DCAF10: variants seen among roughly 807,000 people sequenced by gnomAD.
DCAF10 encodes the protein DDB1 and CUL4 associated factor 10.
Under a neutral mutation model 51.9 loss-of-function variants are expected in DCAF10, and 19 were observed. The ratio of observed to expected loss-of-function variants is 0.37; its 90% CI spans 0.26 to 0.54. The LOEUF (loss-of-function observed/expected upper bound fraction) is 0.54. Among genes scored for constraint, DCAF10 ranks in the 20% least tolerant of loss-of-function variants. The pLI is 0.87. For synonymous variants in DCAF10, 291 were observed against 297.1 expected, an observed-to-expected ratio of 0.98 and a Z score of 0.21; for missense variants, 510 against 730.6, an observed-to-expected ratio of 0.70 and a Z score of 3.48.
intron 2 of DCAF10, among the ~76,000 whole-genome samples, chr9:37,825,036 T>C (rs530415674): frequency 1.3e-5 from 2 of 152,238 alleles, no homozygotes; most frequent in African/African-American, 4.8e-5. Flanking sequence ...AATTAGGCAG[T>C]AGAAGATTTT....
At chr9:37,860,625 C>G (rs920545399) in intron 6 of DCAF10, among the ~76,000 whole-genome samples, 1 of 151,846 alleles carries the variant, frequency 6.6e-6, no homozygotes, top group South Asian at 2.1e-4. Context: ...TTTTAAAAAC[C>G]AGGGGAAACT....
At chr9:37,849,103 C>G (rs1005226220) in intron 3 of DCAF10, among the ~76,000 whole-genome samples, 1 of 151,336 alleles carries the variant, frequency 6.6e-6, no homozygotes, top group Non-Finnish European at 1.5e-5. Flanking sequence ...AAAGTATATA[C>G]TAAAAAATTA....
At chr9:37,838,826 G>T (rs928610584) in intron 2 of DCAF10, among the ~76,000 whole-genome samples, 1 of 151,644 alleles carries the variant, frequency 6.6e-6, no homozygotes, top group Non-Finnish European at 1.5e-5. Context: ...AGGAGGTAGA[G>T]GTTGCAGTGA....
At chr9:37,824,392 C>T (rs995023196) in intron 2 of DCAF10, among the ~76,000 whole-genome samples, 14 of 151,904 alleles carry the variant, frequency 9.2e-5, no homozygotes, top group African/African-American at 3.4e-4. Flanking sequence ...GTAATTCAGA[C>T]TCTTCTAGCA....
At chr9:37,847,253 CAAAAAAAAAAAAAA>C (rs78089886) in intron 3 of DCAF10, among the ~76,000 whole-genome samples, 1 of 32,952 alleles carries the variant, frequency 3.0e-5, no homozygotes, top group Non-Finnish European at 5.7e-5. Flanking sequence ...AACTCCATCT[CAAAAAAAAAAAAAA>C]AAAAAAAAAA....
At chr9:37,860,322 T>A in intron 6 of DCAF10, 129 bp downstream of exon 6, 1 of 1,187,870 alleles carries the variant, frequency 8.4e-7, no homozygotes, top group African/African-American at 1.5e-5. Context: ...AGATCCTGCT[T>A]CTCGACTCTC....
chr9:37,819,233 A>G (rs1405478076), intron 1 of DCAF10, 55 bp from the exon 2 acceptor site: 1 of 1,386,160 alleles, frequency 7.2e-7, no homozygotes, highest in Non-Finnish European at 1.0e-6. Context: ...AGTGAACATC[A>G]ATAACCAGCG....
At position 37,864,680 on chromosome 9, in the gene DCAF10, C is replaced by T. The variant is rs1472589031; in HGVS notation, c.*3172C>T. On this transcript the variant is annotated 3_prime_UTR_variant, in exon 7 of 7. Transcript: ENST00000377724. ...AAAAATACCTACCAAGTACTGTGGT[C>T]ATATTGACATTCAAAAGAAGTTTCA... is the stretch of plus-strand genomic sequence containing the variant. 6.6e-6 allele frequency: 1 copy of T among 152,034 alleles called. No individual in the cohort carries two copies. Among genetic ancestry groups the T allele is most frequent in the African/African-American group, 2.4e-5 (1 of 41,388 alleles). The allele number at this position is 152,034 out of a possible 1,614,324, so 9.4% of individuals were successfully genotyped here. A position where few individuals can be genotyped will look rare whatever the true frequency, so the allele number is the denominator to read the frequency against.
Position 37,861,383 on chromosome 9 carries a change from C to A in DCAF10, c.1555C>A (p.Arg519=). 6.2e-7 allele frequency: 1 copy of A among 1,614,178 alleles called. No homozygotes were observed. Among genetic ancestry groups the A allele is most frequent in the Non-Finnish European group, 8.5e-7 (1 of 1,180,036 alleles). ...DCLPKEASPL[R]VIRSLYSHND... ...CTTGCCCAAAGAAGCCAGTCCCCTG[C>A]GGGTGATCCGTTCTCTGTACTCTCA... Residue 519 remains arginine (R), a synonymous_variant, in exon 7 of 7, where the codon CGG becomes AGG. Transcript: ENST00000377724. The surrounding 1 kb of genome is among the most constrained non-coding windows in gnomAD (Gnocchi z 4.9).
At chr9:37,810,684 C>A (rs1589077786) in intron 1 of DCAF10, among the ~76,000 whole-genome samples, 1 of 152,012 alleles carries the variant, frequency 6.6e-6, no homozygotes, top group South Asian at 2.1e-4. Context: ...CTGGTCTCGA[C>A]CTCCTGACCT....
rs547846342 is a variant in DCAF10 at position 37,864,598 on chromosome 9, A to T, written c.*3090A>T. 1.5e-4 allele frequency: 23 copies of T among 150,644 alleles called. No individual in the cohort carries two copies. Among genetic ancestry groups the T allele is most frequent in the Admixed American group, 2.0e-4 (3 of 15,130 alleles). The allele number at this position is 150,644 out of a possible 1,614,324, so 9.3% of individuals were successfully genotyped here. A position where few individuals can be genotyped will look rare whatever the true frequency, so the allele number is the denominator to read the frequency against. ...GACTCTGCCTCAAAAAAAAAAAAAA[A>T]AATAAAATAAAATAAAATTAGTTTT... On this transcript the variant is annotated 3_prime_UTR_variant, in exon 7 of 7. Transcript: ENST00000377724.
intron 3 of DCAF10, among the ~76,000 whole-genome samples, chr9:37,850,134 A>T (rs1564048022): frequency 6.6e-6 from 1 of 152,238 alleles, no homozygotes; most frequent in Non-Finnish European, 1.5e-5. Context: ...TCTATATAGA[A>T]AATCTTACAA....
chr9:37,845,800 T>G (rs1830457095), intron 3 of DCAF10, among the ~76,000 whole-genome samples: 1 of 152,160 alleles, frequency 6.6e-6, no homozygotes, highest in African/African-American at 2.4e-5. Flanking sequence ...TGGCAAGTGT[T>G]CATGCGGTGC....
In DCAF10 at chr9:37,819,296, T is replaced by C; in HGVS notation, c.548T>C (p.Leu183Pro). 6.2e-7 allele frequency: 1 copy of C among 1,613,646 alleles called. No individual in the cohort carries two copies. Among genetic ancestry groups the C allele is most frequent in the Non-Finnish European group, 8.5e-7 (1 of 1,179,716 alleles). Reference protein sequence around the residue: ...NLEYSPDGSVLTVACEQTEVL... With the variant: ...NLEYSPDGSVPTVACEQTEVL... ...GTGTCATTTGCTTTCAGGTCAGTGC[T>C]GACAGTTGCTTGTGAACAAACTGAA... is the stretch of plus-strand genomic sequence containing the variant. The change falls in exon 2 of 7, where the codon CTG becomes CCG. Residue 183 changes from leucine (L) to proline (P), a missense_variant. Coordinates refer to ENST00000377724, the MANE Select transcript of DCAF10 (RefSeq NM_024345.5).
Position 37,807,405 on chromosome 9 carries a change from G to A in DCAF10, c.539+6000G>A, listed in dbSNP as rs1373978155. ...AAATTTAATGTGGACATTCTTAGAA[G>A]GGCTTTATCTAGTTTCCTATGTCAA... On this transcript the variant is annotated intron_variant, in intron 1 of 6. Coordinates refer to ENST00000377724, the MANE Select transcript of DCAF10 (RefSeq NM_024345.5). Among the ~76,000 whole-genome samples, 10 of 152,144 alleles carry A rather than the reference G, an allele frequency of 6.6e-5. No homozygotes were observed. In the East Asian group the frequency reaches 1.9e-3, roughly 29 times the overall value.
chr9:37,842,911 A>G (rs1054119115), intron 3 of DCAF10, among the ~76,000 whole-genome samples: 4 of 152,262 alleles, frequency 2.6e-5, no homozygotes, highest in Admixed American at 2.6e-4. Context: ...AAAGAAATTG[A>G]TATTTAAAGA....
At chr9:37,850,384 G>A (rs1397711104) in intron 3 of DCAF10, among the ~76,000 whole-genome samples, 2 of 152,056 alleles carry the variant, frequency 1.3e-5, no homozygotes, top group African/African-American at 4.8e-5. Context: ...TAACCTAAAC[G>A]TCCATCAATG....
Position 37,854,767 on chromosome 9 carries a change from GT to G in DCAF10, c.852-10del, listed in dbSNP as rs558005786. 2.5e-6 allele frequency: 4 copies of G among 1,605,556 alleles called. No homozygotes were observed. In the African/African-American group the frequency reaches 5.4e-5, roughly 22 times the overall value. ...GATAACTCTAGATTTTGTTGGCTTG[GT>G]TTCTCCTGTAGGTATACAGAAGATG... On this transcript the variant is annotated splice_polypyrimidine_tract_variant and intron_variant, in intron 3 of 6. Transcript: ENST00000377724.
At chr9:37,803,723 G>A (rs1035853455) in intron 1 of DCAF10, among the ~76,000 whole-genome samples, 1 of 148,744 alleles carries the variant, frequency 6.7e-6, no homozygotes, top group African/African-American at 2.5e-5. Flanking sequence ...TGACATATCC[G>A]TGTTAAATGA....
Sources: gnomAD v4.1 joint callset for allele counts (sites outside exome capture counted in the v4.1 genomes callset) on GRCh38, gnomAD v4.1.1 for gene constraint, Gnocchi (gnomAD v3.1) non-coding constraint, MANE v1.5 for transcripts, NCBI Gene and HGNC (gene_info 2026-07-23, HGNC 2026-07-21) for gene names.